The following TMEM132D variants were observed in gnomAD, a reference collection of about 807,000 sequenced individuals.
TMEM132D encodes mature OL transmembrane protein.
A neutral mutation model predicts 62.3 loss-of-function variants in TMEM132D; 21 were observed. The ratio of observed to expected loss-of-function variants is 0.34; its 90% CI spans 0.24 to 0.49. The LOEUF (loss-of-function observed/expected upper bound fraction) is 0.49. Among genes scored for constraint, TMEM132D ranks in the 20% least tolerant of loss-of-function variants. TMEM132D has a pLI of 0.99. For missense variants in TMEM132D, 1,346 were observed against 1,402.8 expected (o/e 0.96, Z 0.65); for synonymous variants, 621 against 575.6 (o/e 1.08, Z -1.13).
chr12:129,734,961 A>C (rs1869378714), intron 1 of TMEM132D, among the ~76,000 whole-genome samples: 1 of 152,254 alleles, frequency 6.6e-6, no homozygotes, highest in African/African-American at 2.4e-5. Flanking sequence ...AAAAGGATCA[A>C]GATTCAATGT....
chr12:129,526,078 C>T (rs996560651), intron 3 of TMEM132D, among the ~76,000 whole-genome samples: 35 of 152,314 alleles, frequency 2.3e-4, no homozygotes, highest in African/African-American at 7.9e-4. Context: ...AACATACACA[C>T]AACAACTGTT....
intron 3 of TMEM132D, among the ~76,000 whole-genome samples, chr12:129,444,846 T>C (rs550275413): frequency 3.3e-5 from 5 of 151,832 alleles, no homozygotes; most frequent in African/African-American, 9.7e-5. Context: ...GCTGGAGAGG[T>C]TGTGGAGAAA....
intron 3 of TMEM132D, among the ~76,000 whole-genome samples, chr12:129,490,325 T>A (rs1019199766): frequency 2.1e-4 from 32 of 152,062 alleles, no homozygotes; most frequent in African/African-American, 7.7e-4. Flanking sequence ...ATGTCTGAAC[T>A]AGAGGTTACA....
At chr12:129,167,166 A>G (rs1877587964) in intron 5 of TMEM132D, among the ~76,000 whole-genome samples, 1 of 122,118 alleles carries the variant, frequency 8.2e-6, no homozygotes, top group Non-Finnish European at 1.8e-5. Context: ...TTTAAAAAAA[A>G]AAAACAAAAA....
chr12:129,200,569 C>CA lies in TMEM132D; in HGVS notation c.1443+8950dup, dbSNP rs917154120. On this transcript the variant is annotated intron_variant, in intron 5 of 8. Transcript: ENST00000422113. ...TTTGGCTAAACTCTTGGGGTGGGGACAAAAAAGCTGATCGGGAGTTATAGG... is the reference window on the plus strand; with the variant it reads ...TTTGGCTAAACTCTTGGGGTGGGGACAAAAAAAGCTGATCGGGAGTTATAGG... Among the ~76,000 whole-genome samples, 65 of 152,126 alleles carry CA rather than the reference C, an allele frequency of 4.3e-4. 1 individual carries two copies. Among genetic ancestry groups the CA allele is most frequent in the African/African-American group, 1.2e-3 (48 of 41,496 alleles).
intron 5 of TMEM132D, among the ~76,000 whole-genome samples, chr12:129,188,011 T>C: frequency 6.6e-6 from 1 of 152,238 alleles, no homozygotes; most frequent in Non-Finnish European, 1.5e-5. Flanking sequence ...TATGTTGTCT[T>C]AACATGACGC....
chr12:129,166,442 A>C (rs1877553994), intron 5 of TMEM132D, among the ~76,000 whole-genome samples: 1 of 115,072 alleles, frequency 8.7e-6, no homozygotes, highest in African/African-American at 3.0e-5. Context: ...CGGATGTGGC[A>C]GGCTTTTTAG....
chr12:129,088,634 C>T (rs368676813), intron 5 of TMEM132D, among the ~76,000 whole-genome samples: 8 of 36,728 alleles, frequency 2.2e-4, no homozygotes, highest in African/African-American at 3.7e-4. Flanking sequence ...GGGTGTCCTC[C>T]ATGACCGGGA....
intron 2 of TMEM132D, among the ~76,000 whole-genome samples, chr12:129,664,293 A>G (rs757837588): frequency 6.6e-6 from 1 of 152,208 alleles, no homozygotes; most frequent in Non-Finnish European, 1.5e-5. Flanking sequence ...TCCCACCTTT[A>G]AGGGCTGTAT....
At chr12:129,159,769 A>G (rs1877346422) in intron 5 of TMEM132D, among the ~76,000 whole-genome samples, 1 of 146,830 alleles carries the variant, frequency 6.8e-6, no homozygotes, top group African/African-American at 2.5e-5. Context: ...AAAAAAAAAA[A>G]AAAAAAAAGA....
Position 129,464,463 on chromosome 12 carries a change from C to T in TMEM132D, c.1115+66596G>A, listed in dbSNP as rs192485912. On this transcript the variant is annotated intron_variant, in intron 3 of 8. Transcript: ENST00000422113. ...GGTAGTTTCTTTTGCTGTGCAGAAG[C>T]TCTTGAGTTTTATTAGATCCCATTT... 3.9e-5 allele frequency among the ~76,000 whole-genome samples: 6 copies of T among 152,286 alleles called. No homozygotes were observed. In the South Asian group the frequency reaches 6.2e-4, roughly 16 times the overall value.
chr12:129,822,236 T>C (rs1336677117), intron 1 of TMEM132D, among the ~76,000 whole-genome samples: 1 of 152,044 alleles, frequency 6.6e-6, no homozygotes, highest in Non-Finnish European at 1.5e-5. Context: ...GCTGAGTGGC[T>C]AGAGGAGCTG....
At chr12:129,619,598 G>A (rs1035799390) in intron 2 of TMEM132D, among the ~76,000 whole-genome samples, 8 of 152,102 alleles carry the variant, frequency 5.3e-5, no homozygotes, top group Non-Finnish European at 1.0e-4. Context: ...CCGCCAAATT[G>A]CCTTCATTTA....
chr12:129,405,848 G>A lies in TMEM132D; in HGVS notation c.1116-68031C>T, dbSNP rs149417283. ...ACTGTCCTTGAATCTTAAAAAAACTGGGGGGCAAGATTTCATGAAAGATAC... is the reference window on the plus strand; with the variant it reads ...ACTGTCCTTGAATCTTAAAAAAACTAGGGGGCAAGATTTCATGAAAGATAC... On this transcript the variant is annotated intron_variant, in intron 3 of 8. Transcript: ENST00000422113. Among the ~76,000 whole-genome samples the A allele has an allele frequency of 7.9e-5, 12 of 152,152 alleles. No individual in the cohort carries two copies. In the East Asian group the frequency reaches 2.1e-3, roughly 27 times the overall value.
chr12:129,705,952 A>G (rs1306162715), intron 1 of TMEM132D, among the ~76,000 whole-genome samples: 3 of 152,166 alleles, frequency 2.0e-5, no homozygotes, highest in South Asian at 2.1e-4. Flanking sequence ...ATTTTAGTCA[A>G]TGACAACCAA....
chr12:129,217,986 G>A (rs1272943157), intron 4 of TMEM132D, among the ~76,000 whole-genome samples: 1 of 152,134 alleles, frequency 6.6e-6, no homozygotes, highest in Non-Finnish European at 1.5e-5. Flanking sequence ...AAGTAGGCAG[G>A]CATCTCCGGA....
At chr12:129,526,367 T>C (rs4759960) in intron 3 of TMEM132D, among the ~76,000 whole-genome samples, 101,549 of 151,718 alleles carry the variant, frequency 0.67, 34,477 homozygotes, top group African/African-American at 0.78. Context: ...TCACCTCAAC[T>C]TCTGCCTCCC....
intron 2 of TMEM132D, among the ~76,000 whole-genome samples, chr12:129,676,478 C>T (rs1880633744): frequency 6.6e-6 from 1 of 152,196 alleles, no homozygotes; most frequent in African/African-American, 2.4e-5. Flanking sequence ...CACGGTTCTG[C>T]AGGCTGTGCA....
At chr12:129,710,777 C>A (rs898757237) in intron 1 of TMEM132D, among the ~76,000 whole-genome samples, 2 of 152,294 alleles carry the variant, frequency 1.3e-5, no homozygotes, top group Admixed American at 1.3e-4. Context: ...ATGCTCCTCT[C>A]CCCTCAGGCT....
Sources: allele counts gnomAD v4.1 joint callset (sites outside exome capture counted in the v4.1 genomes callset), GRCh38; gene constraint gnomAD v4.1.1; transcripts MANE v1.5; gene names NCBI Gene and HGNC (gene_info 2026-07-23, HGNC 2026-07-21).